The following RASGRF2 variants were observed in gnomAD, a reference collection of about 807,000 sequenced individuals.
RASGRF2 encodes the protein ras-specific guanine nucleotide-releasing factor 2.
RASGRF2 carries 76 observed loss-of-function variants against 151.0 expected under a neutral mutation model. The ratio of observed to expected loss-of-function variants is 0.50; its 90% confidence interval spans 0.42 to 0.61. The LOEUF (loss-of-function observed/expected upper bound fraction) is 0.61. Among genes scored for constraint, RASGRF2 ranks in the 20% least tolerant of loss-of-function variants. The probability of loss-of-function intolerance (pLI) is 0.00; values close to 1 mark genes in which losing one functional copy is unlikely to be tolerated. For missense variants in RASGRF2, 1,148 were observed against 1,564.6 expected, an observed-to-expected ratio of 0.73 and a Z score of 4.49; for synonymous variants, 504 against 566.5, an observed-to-expected ratio of 0.89 and a Z score of 1.57.
At chr5:81,170,939 C>T (rs1754643680) in intron 17 of RASGRF2, among the ~76,000 whole-genome samples, 1 of 152,072 alleles carries the variant, frequency 6.6e-6, no homozygotes, top group Non-Finnish European at 1.5e-5. Context: ...CTTTGTGCTT[C>T]CTGGTTTCCG....
chr5:81,012,332 G>T (rs1347565459), intron 1 of RASGRF2, among the ~76,000 whole-genome samples: 1 of 152,138 alleles, frequency 6.6e-6, no homozygotes, highest in Non-Finnish European at 1.5e-5. Flanking sequence ...ATTCATTCAT[G>T]TTGTTGTACG....
At chr5:81,216,092 G>A (rs1377658393) in intron 24 of RASGRF2, 137 bp downstream of exon 24, 3 of 898,942 alleles carry the variant, frequency 3.3e-6, no homozygotes, top group Middle Eastern at 7.9e-4. Flanking sequence ...TATCATCTAG[G>A]TATTTTTCTG....
chr5:81,153,819 C>A (rs931326683), intron 17 of RASGRF2, among the ~76,000 whole-genome samples: 2 of 150,932 alleles, frequency 1.3e-5, no homozygotes, highest in African/African-American at 4.9e-5. Flanking sequence ...ATATGAAACA[C>A]ATTTTCAATT....
intron 17 of RASGRF2, among the ~76,000 whole-genome samples, chr5:81,129,693 T>G (rs1753564516): frequency 6.6e-6 from 1 of 152,174 alleles, no homozygotes; most frequent in Non-Finnish European, 1.5e-5. Context: ...AGTCAACATT[T>G]TGGGGGGAAA....
intron 1 of RASGRF2, among the ~76,000 whole-genome samples, chr5:81,032,631 T>C (rs1164422985): frequency 1.3e-5 from 2 of 152,204 alleles, no homozygotes; most frequent in Admixed American, 6.5e-5. Context: ...AAACGAGGTA[T>C]TGATGGGACG....
In RASGRF2 at chr5:81,228,695, C is replaced by T. The variant is rs1756050605; in HGVS notation, c.*2925C>T. 6.6e-6 allele frequency: 1 copy of T among 152,228 alleles called. No homozygotes were observed. Among genetic ancestry groups the T allele is most frequent in the African/African-American group, 2.4e-5 (1 of 41,466 alleles). The allele number at this position is 152,228 out of a possible 1,614,324, so 9.4% of individuals were successfully genotyped here. ...TTAGGGGATGCCTTTTCGTTATTAA[C>T]TGAGACATCTAGTTTTGCTACAGGG... On this transcript the variant is annotated 3_prime_UTR_variant, in exon 27 of 27. Coordinates refer to ENST00000265080, the MANE Select transcript of RASGRF2 (RefSeq NM_006909.3).
chr5:81,028,501 A>G (rs1274726571), intron 1 of RASGRF2, among the ~76,000 whole-genome samples: 1 of 152,094 alleles, frequency 6.6e-6, no homozygotes, highest in Non-Finnish European at 1.5e-5. Context: ...CCTCAAGATG[A>G]GATATAATTT....
At chr5:81,102,408 A>G (rs1357700120) in intron 12 of RASGRF2, among the ~76,000 whole-genome samples, 1 of 152,198 alleles carries the variant, frequency 6.6e-6, no homozygotes, top group Non-Finnish European at 1.5e-5. Context: ...TTTAAAAATG[A>G]ATGTGGCCAG....
intron 1 of RASGRF2, among the ~76,000 whole-genome samples, chr5:81,029,018 G>T (rs1215562571): frequency 2.6e-5 from 4 of 152,224 alleles, no homozygotes; most frequent in Non-Finnish European, 5.9e-5. Flanking sequence ...GCCTGGCTCG[G>T]AGGGTCCCAT....
chr5:81,118,386 G>A (rs1253353088), intron 15 of RASGRF2, among the ~76,000 whole-genome samples: 1 of 152,264 alleles, frequency 6.6e-6, no homozygotes, highest in African/African-American at 2.4e-5. Flanking sequence ...GCCACAGCTA[G>A]TGTGGCTGAG....
chr5:81,217,574 C>CTTTTTTT (rs71603577), intron 25 of RASGRF2, 101 bp downstream of exon 25: 197 of 181,582 alleles, frequency 1.1e-3, no homozygotes, highest in African/African-American at 2.7e-3. Context: ...TTTTTCTCTT[C>CTTTTTTT]TTTTTTTTTT....
At chr5:81,110,699 G>A (rs920426650) in intron 13 of RASGRF2, among the ~76,000 whole-genome samples, 2 of 152,118 alleles carry the variant, frequency 1.3e-5, no homozygotes, top group African/African-American at 4.8e-5. Flanking sequence ...ATTTTTTGGT[G>A]GAAAATGATG....
At chr5:81,029,103 G>C (rs1750143785) in intron 1 of RASGRF2, among the ~76,000 whole-genome samples, 1 of 152,208 alleles carries the variant, frequency 6.6e-6, no homozygotes, top group South Asian at 2.1e-4. Context: ...GCTGGGGTAG[G>C]GGTGTCTGCC....
At position 81,227,356 on chromosome 5, in the gene RASGRF2, C is replaced by A. The variant is rs1361939281; in HGVS notation, c.*1586C>A. On this transcript the variant is annotated 3_prime_UTR_variant, in exon 27 of 27. Transcript: ENST00000265080. ...TGTATGTAACTATATAGTGAAATAT[C>A]AACTAAGTAAAAGAAAATATAATAT... 1 of 152,204 alleles carries A rather than the reference C, an allele frequency of 6.6e-6. No homozygotes were observed. Among genetic ancestry groups the A allele is most frequent in the African/African-American group, 2.4e-5 (1 of 41,446 alleles). The allele number at this position is 152,204 out of a possible 1,614,324, so 9.4% of individuals were successfully genotyped here. A position where few individuals can be genotyped will look rare whatever the true frequency, so the allele number is the denominator to read the frequency against.
intron 1 of RASGRF2, among the ~76,000 whole-genome samples, chr5:80,973,383 G>T (rs191964379): frequency 6.6e-6 from 1 of 152,148 alleles, no homozygotes; most frequent in Non-Finnish European, 1.5e-5. Flanking sequence ...CCCTCCTCGG[G>T]TGCTGGGTTG....
intron 26 of RASGRF2, among the ~76,000 whole-genome samples, chr5:81,221,096 G>T (rs1425986159): frequency 1.3e-5 from 2 of 152,154 alleles, no homozygotes; most frequent in African/African-American, 4.8e-5. Flanking sequence ...CATATCAGGG[G>T]TTATATTATC....
At chr5:80,971,183 A>C (rs750883786) in intron 1 of RASGRF2, among the ~76,000 whole-genome samples, 11 of 152,210 alleles carry the variant, frequency 7.2e-5, no homozygotes, top group Non-Finnish European at 1.5e-4. Context: ...ACCCATATCA[A>C]GACATTGACA....
chr5:81,025,947 C>T (rs1301739133), intron 1 of RASGRF2, among the ~76,000 whole-genome samples: 1 of 151,604 alleles, frequency 6.6e-6, no homozygotes, highest in Non-Finnish European at 1.5e-5. Flanking sequence ...CCTCCCTCCC[C>T]ACACGGCCCT....
At position 81,002,846 on chromosome 5, in the gene RASGRF2, G is replaced by T. The variant is rs150431320; in HGVS notation, c.289-40031G>T. 1.6e-3 allele frequency among the ~76,000 whole-genome samples: 244 copies of T among 152,236 alleles called. 6 individuals are homozygous for T. The East Asian group carries it at 0.039, about 24-fold the overall frequency. ...CATCATATTACATTTATTATGACAGGGTTGGCAGCTAGAATGGCAGAACTC... is the reference window on the plus strand; with the variant it reads ...CATCATATTACATTTATTATGACAGTGTTGGCAGCTAGAATGGCAGAACTC... On this transcript the variant is annotated intron_variant, in intron 1 of 26. Coordinates refer to ENST00000265080, the MANE Select transcript of RASGRF2 (RefSeq NM_006909.3).
Sources: allele counts gnomAD v4.1 joint callset (sites outside exome capture counted in the v4.1 genomes callset), GRCh38; gene constraint gnomAD v4.1.1; transcripts MANE v1.5; gene names NCBI Gene and HGNC (gene_info 2026-07-23, HGNC 2026-07-21).